Variants in PDS5B observed in about 807,000 individuals in gnomAD.
PDS5B encodes the protein sister chromatid cohesion protein PDS5 homolog B.
Under a neutral mutation model 184.1 loss-of-function variants are expected in PDS5B, and 51 were observed. The observed-to-expected ratio is 0.28, with a 90% CI of 0.22 to 0.35. PDS5B has a LOEUF of 0.35. Among genes scored for constraint, PDS5B ranks in the 10% least tolerant of loss-of-function variants. The pLI, the probability that PDS5B is intolerant of heterozygous loss-of-function variation, is 1.00. For synonymous variants in PDS5B, 566 were observed against 569.2 expected, an observed-to-expected ratio of 0.99 and a Z score of 0.08; for missense variants, 1,180 against 1,723.3, an observed-to-expected ratio of 0.68 and a Z score of 5.58.
chr13:32,611,826 C>G (rs1339815329), intron 1 of PDS5B, among the ~76,000 whole-genome samples: 1 of 151,740 alleles, frequency 6.6e-6, no homozygotes, highest in Admixed American at 6.6e-5. Flanking sequence ...CCCCCGCCCC[C>G]CTTTTTGTTA....
chr13:32,687,005 G>GAT, intron 11 of PDS5B, 129 bp from the exon 12 acceptor site: 1 of 643,790 alleles, frequency 1.6e-6, no homozygotes, highest in African/African-American at 1.9e-5. Flanking sequence ...ATTATAAATT[G>GAT]ATATTTAGTA....
At chr13:32,735,860 G>A (rs941935866) in intron 21 of PDS5B, among the ~76,000 whole-genome samples, 1 of 152,144 alleles carries the variant, frequency 6.6e-6, no homozygotes, top group African/African-American at 2.4e-5. Context: ...CCTCCAAAAA[G>A]TAAACATAAT....
At chr13:32,685,231 C>T (rs1351150648) in intron 11 of PDS5B, among the ~76,000 whole-genome samples, 1 of 152,200 alleles carries the variant, frequency 6.6e-6, no homozygotes, top group Non-Finnish European at 1.5e-5. Context: ...CCCTTCAAAT[C>T]TATAGGTATC....
At chr13:32,599,048 G>A (rs1357668135) in intron 1 of PDS5B, among the ~76,000 whole-genome samples, 4 of 152,138 alleles carry the variant, frequency 2.6e-5, no homozygotes, top group Admixed American at 1.3e-4. Context: ...GGGATTACAG[G>A]CGTGAGCCAC....
chr13:32,616,761 T>C (rs1378071209), intron 1 of PDS5B, among the ~76,000 whole-genome samples: 3 of 152,264 alleles, frequency 2.0e-5, no homozygotes, highest in Non-Finnish European at 4.4e-5. Flanking sequence ...CTGCAAAATT[T>C]TGTTCCTTAA....
intron 6 of PDS5B, among the ~76,000 whole-genome samples, chr13:32,667,211 T>C (rs1177887995): frequency 6.6e-6 from 1 of 152,194 alleles, no homozygotes; most frequent in Non-Finnish European, 1.5e-5. Context: ...TAGCTTCTTA[T>C]GATGTTTTTT....
At chr13:32,630,764 C>A (rs1281097361) in intron 1 of PDS5B, among the ~76,000 whole-genome samples, 2 of 151,328 alleles carry the variant, frequency 1.3e-5, no homozygotes, top group East Asian at 3.9e-4. Flanking sequence ...CCAGTCTTTG[C>A]AAGCTAAAAC....
At chr13:32,694,393 T>G in intron 14 of PDS5B, 89 bp downstream of exon 14, 1 of 832,122 alleles carries the variant, frequency 1.2e-6, no homozygotes, top group South Asian at 1.5e-5. Context: ...AAACAATTCT[T>G]TCTGTTTGCA....
chr13:32,620,050 C>T lies in PDS5B; in HGVS notation c.-19-28704C>T, dbSNP rs146383089. 2.6e-3 allele frequency among the ~76,000 whole-genome samples: 393 copies of T among 152,180 alleles called. 17 individuals are homozygous for T. The highest frequency in any genetic ancestry group is 4.1e-3 in the African/African-American group (172 of 41,518). Reference sequence around the variant, plus strand: ...CTGACCTCAGGTGATCCACCCGCCTCGGCCTCCCAAAGTGCTAGGATTACA... The same window carrying T: ...CTGACCTCAGGTGATCCACCCGCCTTGGCCTCCCAAAGTGCTAGGATTACA... On this transcript the variant is annotated intron_variant, in intron 1 of 34. Transcript: ENST00000315596.
chr13:32,676,991 GA>G (rs1367288695), intron 9 of PDS5B, among the ~76,000 whole-genome samples: 1 of 143,292 alleles, frequency 7.0e-6, no homozygotes, highest in African/African-American at 2.5e-5. Flanking sequence ...TCTTTGTGTT[GA>G]AATATTTGCA....
At chr13:32,705,147 G>A (rs1378057052) in intron 17 of PDS5B, among the ~76,000 whole-genome samples, 1 of 151,906 alleles carries the variant, frequency 6.6e-6, no homozygotes. Context: ...AGTCCATCTT[G>A]TTCTCTGATG....
intron 21 of PDS5B, among the ~76,000 whole-genome samples, chr13:32,737,213 T>G (rs1222939518): frequency 6.6e-6 from 1 of 152,168 alleles, no homozygotes; most frequent in Non-Finnish European, 1.5e-5. Flanking sequence ...GAGTTTTACT[T>G]TTGTTTCTAT....
At chr13:32,655,758 T>G (rs1950498098) in intron 3 of PDS5B, among the ~76,000 whole-genome samples, 1 of 152,190 alleles carries the variant, frequency 6.6e-6, no homozygotes, top group African/African-American at 2.4e-5. Flanking sequence ...ATATATGGTT[T>G]GCAAATATTT....
chr13:32,707,140 C>G (rs1335043676), intron 18 of PDS5B, 101 bp downstream of exon 18: 3 of 592,506 alleles, frequency 5.1e-6, no homozygotes, highest in Non-Finnish European at 8.3e-6. Context: ...TTTGTATAAT[C>G]CAAAGTAAAA....
At chr13:32,752,476 T>G (rs1474780660) in intron 24 of PDS5B, among the ~76,000 whole-genome samples, 3 of 152,164 alleles carry the variant, frequency 2.0e-5, no homozygotes, top group Admixed American at 6.6e-5. Context: ...CTTAGAGAGA[T>G]AAAAACATAA....
intron 1 of PDS5B, among the ~76,000 whole-genome samples, chr13:32,587,993 G>A (rs1488048522): frequency 6.6e-6 from 1 of 152,138 alleles, no homozygotes; most frequent in Admixed American, 6.5e-5. Context: ...ATGCTTGAAC[G>A]GCAGTATAGT....
intron 20 of PDS5B, among the ~76,000 whole-genome samples, chr13:32,733,269 G>A (rs1428433532): frequency 6.6e-6 from 1 of 152,072 alleles, no homozygotes; most frequent in Non-Finnish European, 1.5e-5. Flanking sequence ...AAGAACCTCT[G>A]TAGTCCTCCT....
intron 17 of PDS5B, among the ~76,000 whole-genome samples, chr13:32,703,461 T>A (rs2140876848): frequency 6.6e-6 from 1 of 152,260 alleles, no homozygotes; most frequent in East Asian, 1.9e-4. Context: ...CAAGTAGCAG[T>A]TAGTGCTTTA....
chr13:32,758,008 A>T (rs1593621102), intron 26 of PDS5B, 79 bp from the exon 27 acceptor site: 7 of 501,026 alleles, frequency 1.4e-5, no homozygotes, highest in Admixed American at 9.9e-5. Flanking sequence ...TGTTATATTT[A>T]TATTTAGAAT....
Sources: allele counts gnomAD v4.1 joint callset (sites outside exome capture counted in the v4.1 genomes callset), GRCh38; gene constraint gnomAD v4.1.1; transcripts MANE v1.5; gene names NCBI Gene and HGNC (gene_info 2026-07-23, HGNC 2026-07-21).